The following PPP1R37 variants were observed in gnomAD, a reference collection of about 807,000 sequenced individuals.
PPP1R37 encodes leucine rich repeat containing 68.
A neutral mutation model predicts 61.0 loss-of-function variants in PPP1R37; 21 were observed. That is an observed-to-expected ratio of 0.34 (90% CI 0.24 to 0.50). PPP1R37 has a LOEUF of 0.50. Ranked by LOEUF, PPP1R37 falls within the 20% of genes least tolerant of loss-of-function variation. The pLI is 0.98. For missense variants in PPP1R37, 910 were observed against 952.7 expected (o/e 0.96, Z 0.59); for synonymous variants, 443 against 433.5 (o/e 1.02, Z -0.27).
chr19:45,113,461 T>C (rs1448629844), intron 1 of PPP1R37, among the ~76,000 whole-genome samples: 1 of 152,128 alleles, frequency 6.6e-6, no homozygotes, highest in Non-Finnish European at 1.5e-5. Context: ...GAAGGAGAGA[T>C]CCAGCTCCTC....
intron 3 of PPP1R37, 63 bp downstream of exon 3, chr19:45,140,344 C>A: frequency 7.2e-7 from 1 of 1,383,646 alleles, no homozygotes; most frequent in Non-Finnish European, 9.6e-7. Context: ...CTCCCTAGAG[C>A]TGGGTCTGAG....
intron 4 of PPP1R37, 143 bp downstream of exon 4, chr19:45,140,749 C>G (rs1209565604): frequency 1.6e-6 from 1 of 632,372 alleles, no homozygotes; most frequent in East Asian, 2.7e-5. Flanking sequence ...TCTTGCAGGG[C>G]AAGAGGGAGA....
At chr19:45,101,980 A>G (rs1347943066) in intron 1 of PPP1R37, among the ~76,000 whole-genome samples, 3 of 152,122 alleles carry the variant, frequency 2.0e-5, no homozygotes, top group Non-Finnish European at 4.4e-5. Flanking sequence ...GGTGACTGTT[A>G]TTCCCCTTCC....
chr19:45,113,687 A>G (rs1968229445), intron 1 of PPP1R37, among the ~76,000 whole-genome samples: 1 of 152,244 alleles, frequency 6.6e-6, no homozygotes, highest in Admixed American at 6.5e-5. Flanking sequence ...AGGCAGGGTC[A>G]GCCCTGGGCC....
chr19:45,117,894 G>A (rs936060300), intron 1 of PPP1R37, among the ~76,000 whole-genome samples: 2 of 152,254 alleles, frequency 1.3e-5, no homozygotes, highest in African/African-American at 4.8e-5. Context: ...TGAGCCCGAG[G>A]CTGCTGGGGA....
At chr19:45,099,488 G>A (rs577041911) in intron 1 of PPP1R37, among the ~76,000 whole-genome samples, 2 of 152,192 alleles carry the variant, frequency 1.3e-5, no homozygotes, top group African/African-American at 4.8e-5. Flanking sequence ...TGGAGCGGGG[G>A]CTCCACCACC....
chr19:45,143,666 C>G (rs762000839), intron 8 of PPP1R37, 33 bp downstream of exon 8: 1 of 1,327,202 alleles, frequency 7.5e-7, no homozygotes, highest in Non-Finnish European at 1.0e-6. Flanking sequence ...GGAGGCACCT[C>G]GGTCCCCGCT....
chr19:45,146,256 C>T (rs907461386), intron 11 of PPP1R37, 134 bp from the exon 12 acceptor site: 62 of 867,476 alleles, frequency 7.1e-5, no homozygotes, highest in Admixed American at 5.1e-4. Flanking sequence ...GTAAGGTGTG[C>T]TGCCTTGAGC....
chr19:45,135,521 G>A (rs971909212), intron 1 of PPP1R37, among the ~76,000 whole-genome samples: 7 of 152,324 alleles, frequency 4.6e-5, no homozygotes, highest in Non-Finnish European at 8.8e-5. Context: ...TCTCTTCCCC[G>A]TTTAAAGCTT....
chr19:45,121,346 G>A lies in PPP1R37; in HGVS notation c.203-17168G>A. On this transcript the variant is annotated intron_variant, in intron 1 of 12. Coordinates refer to ENST00000221462, the MANE Select transcript of PPP1R37 (RefSeq NM_019121.2). This position sits in a 1 kb window ranked among gnomAD's most constrained non-coding sequence, Gnocchi z 4.2. ...TCAGGGCGTCTGTCTCCCTGCCATG[G>A]GAGGCAGTGCATGTGTCAGCCATGG... is the stretch of plus-strand genomic sequence containing the variant. Among the ~76,000 whole-genome samples the A allele has an allele frequency of 6.6e-6, 1 of 152,240 alleles. No individual in the cohort carries two copies. The highest frequency in any genetic ancestry group is 1.9e-4 in the East Asian group (1 of 5,202).
chr19:45,131,604 G>A (rs1968478352), intron 1 of PPP1R37, among the ~76,000 whole-genome samples: 1 of 152,212 alleles, frequency 6.6e-6, no homozygotes, highest in South Asian at 2.1e-4. Context: ...AAAGTACTTA[G>A]GAGCTGGGTG....
rs1194366388 is a variant in PPP1R37, at chr19:45,121,150, G to A, written c.203-17364G>A. Among the ~76,000 whole-genome samples, 1 of 152,224 alleles carries A rather than the reference G, an allele frequency of 6.6e-6. No homozygotes were observed. The highest frequency in any genetic ancestry group is 2.4e-5 in the African/African-American group (1 of 41,460). ...GCACAGTAGAAGGGCCCCAAGCAGT[G>A]TTTGTTCTCTTCCCCCATGCCTCTC... On this transcript the variant is annotated intron_variant, in intron 1 of 12. Coordinates refer to ENST00000221462, the MANE Select transcript of PPP1R37 (RefSeq NM_019121.2). The surrounding 1 kb of genome is among the most constrained non-coding windows in gnomAD (Gnocchi z 4.2).
Position 45,142,072 on chromosome 19 carries a change from G to A in PPP1R37, c.579G>A (p.Leu193=). ...TCTTGCCCCTGCAGACGAGCTGCCT[G>A]CAGTATCTGGACGCCCGCAACACGC... ...AAHMMRKTSC[L]QYLDARNTPL... The change falls in exon 6 of 13, where the codon CTG becomes CTA. Residue 193 remains leucine, a synonymous_variant. Coordinates refer to ENST00000221462, the MANE Select transcript of PPP1R37 (RefSeq NM_019121.2). 6.6e-7 allele frequency: 1 copy of A among 1,521,608 alleles called. No individual in the cohort carries two copies. Among genetic ancestry groups the A allele is most frequent in the African/African-American group, 1.4e-5 (1 of 72,846 alleles). The allele number at this position is 1,521,608 out of a possible 1,614,324, so 94.3% of individuals were successfully genotyped here. A position where few individuals can be genotyped will look rare whatever the true frequency, so the allele number is the denominator to read the frequency against.
chr19:45,144,964 C>CGGGCTGGCCTCCACCAAGCTCACGTGCGA lies in PPP1R37; in HGVS notation c.1102_1129+1dup. On this transcript the variant is annotated frameshift_variant, in exon 9 of 13. Coordinates refer to ENST00000221462, the MANE Select transcript of PPP1R37 (RefSeq NM_019121.2). LOFTEE classifies it high-confidence loss of function. The stretch of plus-strand genomic sequence containing the variant: ...TCAGCAACCGCAGCGTGCTGCGCCT[C>CGGGCTGGCCTCCACCAAGCTCACGTGCGA]GGGCTGGCCTCCACCAAGCTCACGT... The CGGGCTGGCCTCCACCAAGCTCACGTGCGA allele has an allele frequency of 6.5e-7, 1 of 1,535,302 alleles. No homozygotes were observed. Among genetic ancestry groups the CGGGCTGGCCTCCACCAAGCTCACGTGCGA allele is most frequent in the Non-Finnish European group, 8.7e-7 (1 of 1,146,538 alleles).
intron 1 of PPP1R37, among the ~76,000 whole-genome samples, chr19:45,123,998 C>T (rs183178505): frequency 4.7e-4 from 72 of 152,334 alleles, no homozygotes; most frequent in Non-Finnish European, 1.0e-4. Context: ...CTTCTCTGTG[C>T]CTGTCTTGGC....
intron 11 of PPP1R37, 146 bp from the exon 12 acceptor site, chr19:45,146,244 A>C: frequency 1.1e-6 from 1 of 891,436 alleles, no homozygotes. Flanking sequence ...GTGGGGGGGC[A>C]TGTAAGGTGT....
At chr19:45,118,106 C>T (rs989360246) in intron 1 of PPP1R37, among the ~76,000 whole-genome samples, 1 of 152,236 alleles carries the variant, frequency 6.6e-6, no homozygotes, top group Non-Finnish European at 1.5e-5. Context: ...CAGAAGTCCC[C>T]GCCTGGGCTT....
chr19:45,115,216 G>T (rs1968250805), intron 1 of PPP1R37, among the ~76,000 whole-genome samples: 1 of 152,174 alleles, frequency 6.6e-6, no homozygotes, highest in Non-Finnish European at 1.5e-5. Flanking sequence ...AGAAGGGTCT[G>T]GAAGGAAATA....
intron 1 of PPP1R37, among the ~76,000 whole-genome samples, chr19:45,126,060 G>C (rs921091232): frequency 1.3e-5 from 2 of 152,198 alleles, no homozygotes; most frequent in Non-Finnish European, 2.9e-5. Flanking sequence ...TGCCCAAGTC[G>C]TGGGGGCTGA....
Sources: gnomAD v4.1 joint callset for allele counts (sites outside exome capture counted in the v4.1 genomes callset) on GRCh38, gnomAD v4.1.1 for gene constraint, Gnocchi (gnomAD v3.1) non-coding constraint, MANE v1.5 for transcripts, NCBI Gene and HGNC (gene_info 2026-07-23, HGNC 2026-07-21) for gene names.